Variants in GRAMD2B observed in about 807,000 individuals in gnomAD.
The protein encoded by GRAMD2B is GRAM domain-containing protein 2B.
A neutral mutation model predicts 59.2 loss-of-function variants in GRAMD2B; 41 were observed. That is an observed-to-expected ratio of 0.69 (90% CI 0.54 to 0.90). GRAMD2B has a LOEUF of 0.90. Among genes scored for constraint, GRAMD2B ranks in the 40% least tolerant of loss-of-function variants. GRAMD2B has a pLI of 0.00. For missense variants in GRAMD2B, 424 were observed against 500.5 expected (o/e 0.85, Z 1.46); for synonymous variants, 161 against 182.7 (o/e 0.88, Z 0.96).
chr5:126,469,668 T>A lies in GRAMD2B; in HGVS notation c.204-9T>A, dbSNP rs1283167927. The A allele has an allele frequency of 4.9e-5, 78 of 1,594,220 alleles. No homozygotes were observed. Among genetic ancestry groups the A allele is most frequent in the Non-Finnish European group, 6.7e-5 (78 of 1,163,816 alleles). ...TATCTTATAGACACCCTGGACTTTC[T>A]TTCTTTAGGTCAAAATCCAGTTTTG... On this transcript the variant is annotated splice_polypyrimidine_tract_variant and intron_variant, in intron 2 of 13. Coordinates refer to ENST00000285689, the MANE Select transcript of GRAMD2B (RefSeq NM_023927.4).
rs1761827268 is a variant in GRAMD2B at position 126,433,004 on chromosome 5, T to C, written c.83+9315T>C. On this transcript the variant is annotated intron_variant, in intron 1 of 13. Coordinates refer to ENST00000285689, the MANE Select transcript of GRAMD2B (RefSeq NM_023927.4). The stretch of plus-strand genomic sequence containing the variant: ...TTTACAAGTACTTTTGCACCATGGG[T>C]ACCATGCTAAGTGTCTTGAATATCA... Among the ~76,000 whole-genome samples, 2 of 152,194 alleles carry C rather than the reference T, an allele frequency of 1.3e-5. 1 individual carries two copies. The highest frequency in any genetic ancestry group is 4.8e-5 in the African/African-American group (2 of 41,452).
rs559775840 is a variant in GRAMD2B at position 126,424,472 on chromosome 5, G to A, written c.83+783G>A. Among the ~76,000 whole-genome samples, 5 of 152,268 alleles carry A rather than the reference G, an allele frequency of 3.3e-5. 1 individual carries two copies. In the East Asian group the frequency reaches 9.7e-4, roughly 29 times the overall value. On this transcript the variant is annotated intron_variant, in intron 1 of 13. Coordinates refer to ENST00000285689, the MANE Select transcript of GRAMD2B (RefSeq NM_023927.4). The stretch of plus-strand genomic sequence containing the variant: ...AAGGAGGGATATGTATTATCATAAG[G>A]TTATACTGATGTGATAATTCCACTT...
chr5:126,460,135 T>TA lies in GRAMD2B; in HGVS notation c.84-5282dup, dbSNP rs539786700. ...GAAAGAACACCAAGATAAAATAAGTTAAAAAAAAAGCAAGGTGCAGAATAG... is the reference window on the plus strand; with the variant it reads ...GAAAGAACACCAAGATAAAATAAGTTAAAAAAAAAAGCAAGGTGCAGAATAG... On this transcript the variant is annotated intron_variant, in intron 1 of 13. Transcript: ENST00000285689. 9.2e-3 allele frequency among the ~76,000 whole-genome samples: 1,388 copies of TA among 151,140 alleles called. 7 individuals carry two copies. Among genetic ancestry groups the TA allele is most frequent in the Non-Finnish European group, 0.011 (773 of 67,752 alleles).
rs1318719781 is a variant in GRAMD2B at position 126,411,243 on chromosome 5, A to AC, written c.125+39676_125+39677insC. 1.1e-4 allele frequency among the ~76,000 whole-genome samples: 16 copies of AC among 152,246 alleles called. No homozygotes were observed. In the East Asian group the frequency reaches 2.9e-3, roughly 28 times the overall value. On this transcript the variant is annotated intron_variant, in intron 1 of 8. Transcript: ENST00000506445. ...GGATTCTTACAGTCTGAGGTCTTAC[A>AC]TTAAAATCTTTTATCCATCTTGAGT... is the stretch of plus-strand genomic sequence containing the variant.
At chr5:126,477,910 C>G (rs1191817637) in intron 6 of GRAMD2B, 123 bp downstream of exon 6, 5 of 671,800 alleles carry the variant, frequency 7.4e-6, no homozygotes, top group Non-Finnish European at 1.1e-5. Flanking sequence ...TGTGGTGAAT[C>G]AGGAAAATTC....
intron 1 of GRAMD2B, among the ~76,000 whole-genome samples, chr5:126,394,082 G>C (rs1202196160): frequency 6.6e-6 from 1 of 152,022 alleles, no homozygotes; most frequent in Non-Finnish European, 1.5e-5. Flanking sequence ...AGACCATCCT[G>C]GCCAACACGG....
chr5:126,484,094 C>G (rs1208375627), intron 9 of GRAMD2B, among the ~76,000 whole-genome samples: 1 of 152,228 alleles, frequency 6.6e-6, no homozygotes, highest in Non-Finnish European at 1.5e-5. Flanking sequence ...TCCCAAAGTG[C>G]TGGGATTACA....
chr5:126,433,330 C>T (rs1489143577), intron 1 of GRAMD2B, among the ~76,000 whole-genome samples: 1 of 152,158 alleles, frequency 6.6e-6, no homozygotes, highest in Middle Eastern at 3.2e-3. Context: ...AATAGAAAGG[C>T]AGGCAGTCTA....
chr5:126,475,837 A>C (rs1011007073), intron 5 of GRAMD2B, among the ~76,000 whole-genome samples: 3 of 152,106 alleles, frequency 2.0e-5, no homozygotes, highest in Non-Finnish European at 4.4e-5. Context: ...GGCCGGGCGC[A>C]GTGGTTCACA....
At chr5:126,386,260 G>A (rs897160247) in intron 1 of GRAMD2B, among the ~76,000 whole-genome samples, 1 of 152,134 alleles carries the variant, frequency 6.6e-6, no homozygotes, top group Non-Finnish European at 1.5e-5. Flanking sequence ...TCTGTCTGCT[G>A]ATCCTTGCAT....
chr5:126,383,864 A>G (rs1467925503), intron 1 of GRAMD2B, among the ~76,000 whole-genome samples: 1 of 152,190 alleles, frequency 6.6e-6, no homozygotes, highest in African/African-American at 2.4e-5. Flanking sequence ...AGATTTCAGA[A>G]GTAGACACAA....
intron 1 of GRAMD2B, among the ~76,000 whole-genome samples, chr5:126,389,945 C>A (rs1756576984): frequency 6.6e-6 from 1 of 151,362 alleles, no homozygotes; most frequent in Admixed American, 6.6e-5. Context: ...GAGACTCTGT[C>A]TCAAAAAAAA....
chr5:126,400,748 T>C (rs1561481283), intron 1 of GRAMD2B, among the ~76,000 whole-genome samples: 1 of 152,122 alleles, frequency 6.6e-6, no homozygotes, highest in Non-Finnish European at 1.5e-5. Flanking sequence ...CAGTTTTTTC[T>C]TTCAGCACTT....
Position 126,480,556 on chromosome 5 carries a change from A to G in GRAMD2B, c.654+29A>G, listed in dbSNP as rs773494892. On this transcript the variant is annotated intron_variant, in intron 7 of 13. Transcript: ENST00000285689. ...AGTATGATGTCCCTGAGCCTCAATT[A>G]CTGTCTCTCTTCTGTATTTCTTATG... 3 of 1,605,500 alleles carry G rather than the reference A, an allele frequency of 1.9e-6. No homozygotes were observed. The Admixed American group carries it at 5.0e-5, about 27-fold the overall frequency.
intron 1 of GRAMD2B, among the ~76,000 whole-genome samples, chr5:126,373,816 G>A (rs1352118985): frequency 6.6e-6 from 1 of 152,186 alleles, no homozygotes; most frequent in Non-Finnish European, 1.5e-5. Context: ...AAGGAGCGTG[G>A]TTGCCCTGCA....
upstream of GRAMD2B, among the ~76,000 whole-genome samples, chr5:126,369,703 G>T (rs1754643025): frequency 6.6e-6 from 1 of 152,162 alleles, no homozygotes. Context: ...TGAAAAATAA[G>T]TTCAAAGACT....
intron 1 of GRAMD2B, among the ~76,000 whole-genome samples, chr5:126,394,101 T>A (rs7731430): frequency 1.3e-5 from 2 of 150,926 alleles, no homozygotes; most frequent in African/African-American, 4.8e-5. Flanking sequence ...GGTGAAACCC[T>A]GTCTCTACTA....
At position 126,473,196 on chromosome 5, in the gene GRAMD2B, A is replaced by G. The variant is rs1011541727; in HGVS notation, c.383-69A>G. 4 of 558,676 alleles carry G rather than the reference A, an allele frequency of 7.2e-6. No individual in the cohort carries two copies. The African/African-American group carries it at 7.7e-5, about 11-fold the overall frequency. The allele number at this position is 558,676 out of a possible 1,614,324, so 34.6% of individuals were successfully genotyped here. A position where few individuals can be genotyped will look rare whatever the true frequency, so the allele number is the denominator to read the frequency against. ...ATCTCTGCCCATCCTTGAGTCACCA[A>G]AATATATACACGGTTTTTATTTTAA... On this transcript the variant is annotated intron_variant, in intron 4 of 13. Transcript: ENST00000285689.
rs77795318 is a variant in GRAMD2B, at chr5:126,378,002, A to G, written c.125+6435A>G. ...CTATATACTCGATAATGCAGCTAAT[A>G]TAATTATACCAACCTTATTCTTTTT... On this transcript the variant is annotated intron_variant, in intron 1 of 8. Coordinates refer to the GRAMD2B transcript ENST00000506445. Among the ~76,000 whole-genome samples, 1,282 of 152,308 alleles carry G rather than the reference A, an allele frequency of 8.4e-3. 20 individuals are homozygous for G. Among genetic ancestry groups the G allele is most frequent in the African/African-American group, 0.029 (1,224 of 41,564 alleles).
Sources: allele counts gnomAD v4.1 joint callset (sites outside exome capture counted in the v4.1 genomes callset), GRCh38; gene constraint gnomAD v4.1.1; transcripts MANE v1.5; gene names NCBI Gene and HGNC (gene_info 2026-07-23, HGNC 2026-07-21).